The following MDM4 variants were observed in gnomAD, a reference collection of about 807,000 sequenced individuals.
MDM4 encodes MDM4 regulator of p53, also known as protein Mdm4.
A neutral mutation model predicts 60.2 loss-of-function variants in MDM4; 2 were observed. The ratio of observed to expected loss-of-function variants is 0.03; its 90% CI spans 0.01 to 0.10. MDM4 has a LOEUF of 0.10. MDM4 is among the 10% of genes least tolerant of loss of function. The probability of loss-of-function intolerance (pLI) is 1.00; values close to 1 mark genes in which losing one functional copy is unlikely to be tolerated. For synonymous variants in MDM4, 202 were observed against 198.1 expected (o/e 1.02, Z -0.17); for missense variants, 447 against 577.5 (o/e 0.77, Z 2.32).
chr1:204,519,969 A>G (rs780176054), intron 1 of MDM4, among the ~76,000 whole-genome samples: 10 of 152,102 alleles, frequency 6.6e-5, no homozygotes, highest in Non-Finnish European at 1.3e-4. Flanking sequence ...ACGAAAAACT[A>G]AGAGATAAGA....
Position 204,528,074 on chromosome 1 carries a change from A to ATTT in MDM4, c.153+1656_153+1658dup, listed in dbSNP as rs11440400. 9.3e-5 allele frequency among the ~76,000 whole-genome samples: 13 copies of ATTT among 140,336 alleles called. 1 individual carries two copies. Among genetic ancestry groups the ATTT allele is most frequent in the East Asian group, 6.1e-4 (3 of 4,882 alleles). 92.1% of individuals were successfully genotyped at this position (140,336 alleles called of 152,430 possible). On this transcript the variant is annotated intron_variant, in intron 3 of 10. Transcript: ENST00000367182. ...TTCCCCAAACTTATTAAAGTCTGGA[A>ATTT]TTTTTTTTTTTTTTTTTTAGTTTTA...
At chr1:204,546,913 C>T (rs148892957) in intron 10 of MDM4, 36 bp downstream of exon 10, 3 of 1,313,686 alleles carry the variant, frequency 2.3e-6, no homozygotes, top group African/African-American at 1.5e-5. Context: ...TTGCACCAGC[C>T]CCATCTTCAG....
At position 204,549,692 on chromosome 1, in the gene MDM4, G is replaced by A. The variant is rs755738645; in HGVS notation, c.*10G>A. 42 of 1,433,538 alleles carry A rather than the reference G, an allele frequency of 2.9e-5. 1 individual carries two copies. The South Asian group carries it at 4.8e-4, about 16-fold the overall frequency. 88.8% of individuals were successfully genotyped at this position (1,433,538 alleles called of 1,614,324 possible). A position where few individuals can be genotyped will look rare whatever the true frequency, so the allele number is the denominator to read the frequency against. ...GGTTTTTATAGCATAATGGTAGTACGAACATAAAAATGCATTTATTCCGTT... is the reference window on the plus strand; with the variant it reads ...GGTTTTTATAGCATAATGGTAGTACAAACATAAAAATGCATTTATTCCGTT... On this transcript the variant is annotated 3_prime_UTR_variant, in exon 11 of 11. Transcript: ENST00000367182.
chr1:204,552,181 G>C lies in MDM4; in HGVS notation c.*2499G>C, dbSNP rs1053861299. The C allele has an allele frequency of 6.6e-6, 1 of 152,124 alleles. No individual in the cohort carries two copies. The highest frequency in any genetic ancestry group is 1.5e-5 in the Non-Finnish European group (1 of 68,250). The allele number at this position is 152,124 out of a possible 1,614,324, so 9.4% of individuals were successfully genotyped here. A position where few individuals can be genotyped will look rare whatever the true frequency, so the allele number is the denominator to read the frequency against. On this transcript the variant is annotated 3_prime_UTR_variant, in exon 11 of 11. Coordinates refer to ENST00000367182, the MANE Select transcript of MDM4 (RefSeq NM_002393.5). ...CCAGCTACTCAGGAGGCTGAGGCAG[G>C]AGAATCGCTTGAACCTGAGAGGGGG...
chr1:204,525,470 T>C lies in MDM4; in HGVS notation c.-35-14T>C. 1.9e-6 allele frequency: 3 copies of C among 1,567,130 alleles called. No individual in the cohort carries two copies. Among genetic ancestry groups the C allele is most frequent in the Non-Finnish European group, 2.6e-6 (3 of 1,163,978 alleles). On this transcript the variant is annotated splice_polypyrimidine_tract_variant and intron_variant, in intron 1 of 10. Coordinates refer to ENST00000367182, the MANE Select transcript of MDM4 (RefSeq NM_002393.5). ...GCATTAGAATAGATGTTATAAATTT[T>C]TTTTTCTATTTAGTTTTACCAACAG...
chr1:204,534,345 A>G (rs1199765838), intron 5 of MDM4, among the ~76,000 whole-genome samples: 1 of 152,188 alleles, frequency 6.6e-6, no homozygotes, highest in African/African-American at 2.4e-5. Context: ...GGAGGATTTT[A>G]TAATTGCTGA....
chr1:204,530,075 C>T (rs1206899662), intron 3 of MDM4, among the ~76,000 whole-genome samples: 5 of 152,120 alleles, frequency 3.3e-5, no homozygotes, highest in African/African-American at 7.2e-5. Flanking sequence ...CAGGTTTTGC[C>T]ATGTTGCCCA....
chr1:204,536,924 G>A (rs772885675), intron 5 of MDM4: 4 of 407,992 alleles, frequency 9.8e-6, no homozygotes, highest in South Asian at 2.0e-5. Flanking sequence ...TTAGAATGTC[G>A]CTTTAGATGA....
At position 204,556,425 on chromosome 1, in the gene MDM4, C is replaced by T. The variant is rs1571481758; in HGVS notation, c.*6743C>T. 3.5e-5 allele frequency: 8 copies of T among 227,310 alleles called. No individual in the cohort carries two copies. Among genetic ancestry groups the T allele is most frequent in the East Asian group, 6.3e-5 (1 of 15,884 alleles). 14.1% of individuals were successfully genotyped at this position (227,310 alleles called of 1,614,324 possible). ...TAAGAAATTGAGGTCAGGCCAGGCG[C>T]GGTGGTTCACTCCTGTTATTCCAGC... On this transcript the variant is annotated 3_prime_UTR_variant, in exon 11 of 11. Transcript: ENST00000367182.
intron 1 of MDM4, among the ~76,000 whole-genome samples, chr1:204,520,982 T>A (rs2102289661): frequency 6.6e-6 from 1 of 152,320 alleles, no homozygotes; most frequent in African/African-American, 2.4e-5. Context: ...TTCTGTGTAC[T>A]TGAGGTCTAA....
rs1663223642 is a variant in MDM4 at position 204,551,721 on chromosome 1, T to G, written c.*2039T>G. ...ACCAAGGCCCTAGAATTGTCAAACT[T>G]AAGGATCATAAAAATCATGAGGGTT... On this transcript the variant is annotated 3_prime_UTR_variant, in exon 11 of 11. Coordinates refer to ENST00000367182, the MANE Select transcript of MDM4 (RefSeq NM_002393.5). The G allele has an allele frequency of 4.3e-6, 1 of 230,164 alleles. No homozygotes were observed. Among genetic ancestry groups the G allele is most frequent in the Non-Finnish European group, 8.6e-6 (1 of 116,298 alleles). The allele number at this position is 230,164 out of a possible 1,614,324, so 14.3% of individuals were successfully genotyped here.
At chr1:204,530,889 ATATT>A in intron 4 of MDM4, 72 bp downstream of exon 4, 1 of 1,585,208 alleles carries the variant, frequency 6.3e-7, no homozygotes, top group Non-Finnish European at 8.6e-7. Flanking sequence ...TGGGTTATTA[ATATT>A]TATTACTTCA....
intron 8 of MDM4, among the ~76,000 whole-genome samples, 160 bp from the exon 9 acceptor site, chr1:204,544,375 A>G (rs960959247): frequency 1.3e-5 from 2 of 152,242 alleles, no homozygotes; most frequent in Admixed American, 1.3e-4. Context: ...GTAGGTGTCA[A>G]GTAGATATAT....
At chr1:204,519,548 G>A (rs1479711424) in intron 1 of MDM4, among the ~76,000 whole-genome samples, 2 of 152,056 alleles carry the variant, frequency 1.3e-5, no homozygotes, top group Admixed American at 6.6e-5. Flanking sequence ...ACAGTGGTTG[G>A]ATTAAAGAAC....
chr1:204,554,558 C>T lies in MDM4; in HGVS notation c.*4876C>T, dbSNP rs1316063985. The T allele has an allele frequency of 4.4e-6, 1 of 225,634 alleles. No individual in the cohort carries two copies. The highest frequency in any genetic ancestry group is 5.7e-5 in the Admixed American group (1 of 17,522). The allele number at this position is 225,634 out of a possible 1,614,324, so 14.0% of individuals were successfully genotyped here. The stretch of plus-strand genomic sequence containing the variant: ...GTTTACAAATGTCTGGAATTTTGCA[C>T]TGCCATAGGGAATGTTAAGGTTACT... On this transcript the variant is annotated 3_prime_UTR_variant, in exon 11 of 11. Coordinates refer to ENST00000367182, the MANE Select transcript of MDM4 (RefSeq NM_002393.5).
At position 204,549,758 on chromosome 1, in the gene MDM4, T is replaced by A; in HGVS notation, c.*76T>A. The A allele has an allele frequency of 1.0e-6, 1 of 970,232 alleles. No individual in the cohort carries two copies. The highest frequency in any genetic ancestry group is 1.7e-5 in the African/African-American group (1 of 60,580). 60.1% of individuals were successfully genotyped at this position (970,232 alleles called of 1,614,324 possible). The stretch of plus-strand genomic sequence containing the variant: ...TTGAAAATCAATCCTTTATTTAATT[T>A]TATTTCCAACCTGTCAGAGAATGTT... On this transcript the variant is annotated 3_prime_UTR_variant, in exon 11 of 11. Coordinates refer to ENST00000367182, the MANE Select transcript of MDM4 (RefSeq NM_002393.5).
chr1:204,546,424 A>T (rs1662669007), intron 9 of MDM4, among the ~76,000 whole-genome samples: 1 of 152,046 alleles, frequency 6.6e-6, no homozygotes, highest in African/African-American at 2.4e-5. Context: ...GCCAGTTTCA[A>T]ACTCCTGGGC....
intron 5 of MDM4, among the ~76,000 whole-genome samples, chr1:204,534,964 G>A (rs1038617419): frequency 2.6e-5 from 4 of 151,996 alleles, no homozygotes; most frequent in Admixed American, 1.3e-4. Flanking sequence ...ATTCTGATTG[G>A]TTATCTGTTC....
intron 9 of MDM4, 31 bp from the exon 10 acceptor site, chr1:204,546,766 C>T (rs773353145): frequency 1.4e-6 from 2 of 1,471,078 alleles, no homozygotes; most frequent in East Asian, 4.5e-5. Flanking sequence ...AACAAGTAAA[C>T]ATTACTAATG....
Sources: allele counts gnomAD v4.1 joint callset (sites outside exome capture counted in the v4.1 genomes callset), GRCh38; gene constraint gnomAD v4.1.1; transcripts MANE v1.5; gene names NCBI Gene and HGNC (gene_info 2026-07-23, HGNC 2026-07-21).